The following WWOX variants were observed in gnomAD, a reference collection of about 807,000 sequenced individuals.
WWOX encodes the protein WW domain containing oxidoreductase, also known as WW domain-containing oxidoreductase.
A neutral mutation model predicts 46.2 loss-of-function variants in WWOX; 69 were observed. The observed-to-expected ratio is 1.49, with a 90% CI of 1.23 to 1.82. WWOX has a LOEUF of 1.82. Ranked by LOEUF, WWOX falls within the 40% of genes most tolerant of loss-of-function variation. WWOX has a pLI of 0.00. For missense variants in WWOX, 919 were observed against 542.6 expected, an observed-to-expected ratio of 1.69 and a Z score of -6.89; for synonymous variants, 359 against 202.6, an observed-to-expected ratio of 1.77 and a Z score of -6.56.
intron 8 of WWOX, among the ~76,000 whole-genome samples, chr16:79,201,862 C>G (rs142831040): frequency 6.8e-4 from 103 of 152,244 alleles, no homozygotes; most frequent in African/African-American, 2.3e-3. Context: ...CAGGTGATTT[C>G]ATTTTTGTTC....
At chr16:78,916,631 G>T (rs1273718926) in intron 8 of WWOX, among the ~76,000 whole-genome samples, 1 of 152,152 alleles carries the variant, frequency 6.6e-6, no homozygotes, top group African/African-American at 2.4e-5. Flanking sequence ...GCCTAGACGA[G>T]CAAAGATGAA....
intron 5 of WWOX, among the ~76,000 whole-genome samples, chr16:78,311,923 G>T (rs946715139): frequency 2.0e-5 from 3 of 152,128 alleles, no homozygotes; most frequent in African/African-American, 7.2e-5. Flanking sequence ...TAAAATCCAG[G>T]TGTCTTCAGA....
At chr16:78,424,808 G>C (rs2151959840) in intron 6 of WWOX, 62 bp from the exon 7 acceptor site, 1 of 1,587,012 alleles carries the variant, frequency 6.3e-7, no homozygotes, top group East Asian at 2.2e-5. Flanking sequence ...TCCCGAAGGA[G>C]CATGGATTAT....
chr16:79,022,840 G>C (rs947507675), intron 8 of WWOX, among the ~76,000 whole-genome samples: 3 of 152,220 alleles, frequency 2.0e-5, no homozygotes, highest in Admixed American at 2.0e-4. Context: ...AGCTTCTGCA[G>C]ATAGAGTCTG....
At chr16:78,492,977 C>T (rs2151463955) in intron 8 of WWOX, among the ~76,000 whole-genome samples, 1 of 152,292 alleles carries the variant, frequency 6.6e-6, no homozygotes, top group East Asian at 1.9e-4. Flanking sequence ...CATTACTAAT[C>T]ATCTCTAGTC....
At chr16:78,973,232 T>C (rs1400248016) in intron 8 of WWOX, among the ~76,000 whole-genome samples, 1 of 152,108 alleles carries the variant, frequency 6.6e-6, no homozygotes, top group Non-Finnish European at 1.5e-5. Context: ...CCGGAGCTTG[T>C]GTTGATGGAA....
intron 8 of WWOX, among the ~76,000 whole-genome samples, chr16:79,207,753 C>G (rs1221504817): frequency 1.3e-5 from 2 of 151,754 alleles, no homozygotes; most frequent in East Asian, 3.9e-4. Context: ...TATTAGAGTA[C>G]TAACCAATGC....
intron 5 of WWOX, among the ~76,000 whole-genome samples, chr16:78,375,630 C>G (rs1567534229): frequency 6.6e-6 from 1 of 152,034 alleles, no homozygotes; most frequent in Non-Finnish European, 1.5e-5. Context: ...TTGGTATAAC[C>G]TTTTTGGAGG....
At chr16:78,958,796 A>T (rs1006162595) in intron 8 of WWOX, among the ~76,000 whole-genome samples, 5 of 152,318 alleles carry the variant, frequency 3.3e-5, no homozygotes, top group Admixed American at 2.6e-4. Context: ...AAAATAGGAC[A>T]TGGTTGGGGT....
chr16:78,753,286 T>C (rs1004681211), intron 8 of WWOX, among the ~76,000 whole-genome samples: 52 of 151,222 alleles, frequency 3.4e-4, no homozygotes, highest in African/African-American at 1.2e-3. Context: ...GGCGACAGAC[T>C]CCAGCCTGAG....
At chr16:78,915,465 C>G (rs190716524) in intron 8 of WWOX, among the ~76,000 whole-genome samples, 6 of 152,168 alleles carry the variant, frequency 3.9e-5, no homozygotes, top group African/African-American at 7.2e-5. Flanking sequence ...TTAGTAATGA[C>G]TGTCCCTCTA....
intron 8 of WWOX, among the ~76,000 whole-genome samples, chr16:79,192,448 A>G (rs2051155754): frequency 6.6e-6 from 1 of 152,206 alleles, no homozygotes; most frequent in Non-Finnish European, 1.5e-5. Flanking sequence ...CTCATTTTCA[A>G]GGAGCTTATT....
intron 8 of WWOX, among the ~76,000 whole-genome samples, chr16:78,761,838 G>A (rs76283671): frequency 6.6e-6 from 1 of 152,084 alleles, no homozygotes; most frequent in Non-Finnish European, 1.5e-5. Flanking sequence ...AAGCTGACCC[G>A]ACATAGACTA....
intron 5 of WWOX, among the ~76,000 whole-genome samples, chr16:78,177,492 G>C (rs753316730): frequency 2.3e-4 from 35 of 152,248 alleles, no homozygotes; most frequent in Admixed American, 4.6e-4. Flanking sequence ...AGAAAGTATT[G>C]GTGGACTGTG....
intron 8 of WWOX, among the ~76,000 whole-genome samples, chr16:78,568,427 C>G (rs1278869467): frequency 2.0e-5 from 3 of 151,322 alleles, no homozygotes; most frequent in East Asian, 3.9e-4. Context: ...CCACTGCTTT[C>G]CAAGTTATAT....
At chr16:78,238,423 C>T (rs1262239718) in intron 5 of WWOX, among the ~76,000 whole-genome samples, 1 of 151,886 alleles carries the variant, frequency 6.6e-6, no homozygotes, top group East Asian at 1.9e-4. Context: ...CTGTAGCCTC[C>T]CAAGTAGCTG....
intron 8 of WWOX, among the ~76,000 whole-genome samples, chr16:78,653,886 A>T (rs1208738899): frequency 6.6e-6 from 1 of 152,252 alleles, no homozygotes; most frequent in Non-Finnish European, 1.5e-5. Context: ...TGTCTATTAC[A>T]TGCAGCAGGA....
chr16:78,753,811 AAAAAAAAAAAAAAAATAT>A (rs1205788270), intron 8 of WWOX, among the ~76,000 whole-genome samples: 8 of 75,684 alleles, frequency 1.1e-4, no homozygotes, highest in African/African-American at 4.0e-4. Flanking sequence ...CAAAAAAAAA[AAAAAAAAAAAAAAAATAT>A]ATATATATAT....
chr16:78,141,430 CTTTTTTTTT>C (rs10639685), intron 4 of WWOX, among the ~76,000 whole-genome samples: 5 of 118,964 alleles, frequency 4.2e-5, no homozygotes, highest in African/African-American at 1.6e-4. Flanking sequence ...CATCCCCCTT[CTTTTTTTTT>C]TTTTTTTTTT....
Sources: gnomAD v4.1 joint callset for allele counts (sites outside exome capture counted in the v4.1 genomes callset) on GRCh38, gnomAD v4.1.1 for gene constraint, MANE v1.5 for transcripts, NCBI Gene and HGNC (gene_info 2026-07-23, HGNC 2026-07-21) for gene names.